The following NCAM2 variants were observed in gnomAD, a reference collection of about 807,000 sequenced individuals.
The protein encoded by NCAM2 is N-CAM-2.
A neutral mutation model predicts 98.1 loss-of-function variants in NCAM2; 30 were observed. The observed-to-expected ratio is 0.31, with a 90% CI of 0.23 to 0.41. NCAM2 has a LOEUF of 0.41. NCAM2 is among the 10% of genes least tolerant of loss of function. NCAM2 has a pLI of 1.00. For missense variants in NCAM2, 867 were observed against 1,005.8 expected, an observed-to-expected ratio of 0.86 and a Z score of 1.87; for synonymous variants, 368 against 342.4, an observed-to-expected ratio of 1.07 and a Z score of -0.83.
intron 8 of NCAM2, among the ~76,000 whole-genome samples, chr21:21,365,835 A>G (rs1433527410): frequency 6.6e-6 from 1 of 152,086 alleles, no homozygotes; most frequent in African/African-American, 2.4e-5. Context: ...TGACTAGCAA[A>G]ATCAAGACAT....
At chr21:21,002,238 G>A (rs997037495) in intron 1 of NCAM2, among the ~76,000 whole-genome samples, 1 of 152,096 alleles carries the variant, frequency 6.6e-6, no homozygotes, top group African/African-American at 2.4e-5. Context: ...ATGCAGAATC[G>A]GAGCCCATAG....
At chr21:21,309,438 T>C (rs1947990714) in intron 5 of NCAM2, among the ~76,000 whole-genome samples, 1 of 152,196 alleles carries the variant, frequency 6.6e-6, no homozygotes, top group Admixed American at 6.5e-5. Flanking sequence ...TAAGAATGTT[T>C]CTGAATTCTT....
At chr21:21,072,515 C>T (rs146805425) in intron 1 of NCAM2, among the ~76,000 whole-genome samples, 2 of 152,070 alleles carry the variant, frequency 1.3e-5, no homozygotes, top group East Asian at 1.9e-4. Context: ...CATTGTATGA[C>T]AATGTAAAAT....
chr21:21,526,953 T>C (rs961250184), intron 16 of NCAM2, among the ~76,000 whole-genome samples: 1 of 152,146 alleles, frequency 6.6e-6, no homozygotes, highest in Admixed American at 6.6e-5. Flanking sequence ...ACAGACATTA[T>C]GCACTTCATA....
intron 1 of NCAM2, among the ~76,000 whole-genome samples, chr21:21,140,549 T>G (rs1392490456): frequency 6.6e-6 from 1 of 152,172 alleles, no homozygotes; most frequent in Non-Finnish European, 1.5e-5. Flanking sequence ...ATCTTAAAAA[T>G]CATCTGAGAT....
chr21:21,054,157 A>G (rs546733924), intron 1 of NCAM2, among the ~76,000 whole-genome samples: 4 of 152,120 alleles, frequency 2.6e-5, no homozygotes, highest in South Asian at 4.1e-4. Context: ...TACCCAGTCA[A>G]CAGTCATTGC....
intron 9 of NCAM2, chr21:21,385,749 C>T: frequency 1.2e-6 from 1 of 852,900 alleles, no homozygotes; most frequent in Non-Finnish European, 1.6e-6. Flanking sequence ...ATGCAGTAAG[C>T]ACTGGTTACA....
At chr21:21,486,794 T>C (rs892084157) in intron 15 of NCAM2, among the ~76,000 whole-genome samples, 2 of 152,162 alleles carry the variant, frequency 1.3e-5, no homozygotes, top group African/African-American at 4.8e-5. Context: ...AAGTGAGGTA[T>C]ACACAGAAAT....
chr21:21,264,814 ACG>A lies in NCAM2; in HGVS notation c.56-15763_56-15762del, dbSNP rs2072075640. On this transcript the variant is annotated intron_variant, in intron 1 of 17. Transcript: ENST00000400546. ...TATATTCCACTATATATATACACACACGTATATATATTCCACTTTATATACAC... is the reference window on the plus strand; with the variant it reads ...TATATTCCACTATATATATACACACATATATATATTCCACTTTATATACAC... Among the ~76,000 whole-genome samples the A allele has an allele frequency of 2.2e-5, 3 of 137,522 alleles. 1 individual carries two copies. Among genetic ancestry groups the A allele is most frequent in the South Asian group, 4.5e-4 (2 of 4,476 alleles). 90.2% of individuals were successfully genotyped at this position (137,522 alleles called of 152,430 possible). A position where few individuals can be genotyped will look rare whatever the true frequency, so the allele number is the denominator to read the frequency against.
At chr21:21,221,297 T>G (rs1354693712) in intron 1 of NCAM2, among the ~76,000 whole-genome samples, 1 of 152,046 alleles carries the variant, frequency 6.6e-6, no homozygotes, top group African/African-American at 2.4e-5. Flanking sequence ...CTCTAAGTGT[T>G]CAAGTGAAGG....
intron 8 of NCAM2, among the ~76,000 whole-genome samples, chr21:21,360,080 A>G (rs370938913): frequency 2.2e-4 from 33 of 152,110 alleles, no homozygotes; most frequent in African/African-American, 7.0e-4. Flanking sequence ...CAGCAAAAGA[A>G]TACATTTGAT....
intron 1 of NCAM2, among the ~76,000 whole-genome samples, chr21:21,028,733 A>AT (rs1426751657): frequency 6.6e-6 from 1 of 152,198 alleles, no homozygotes; most frequent in Non-Finnish European, 1.5e-5. Context: ...CATAGATATG[A>AT]TTTGTCTATT....
intron 4 of NCAM2, among the ~76,000 whole-genome samples, chr21:21,288,249 T>A (rs1221127983): frequency 6.6e-6 from 1 of 151,944 alleles, no homozygotes; most frequent in Non-Finnish European, 1.5e-5. Context: ...GTTGTTTGAA[T>A]CCACGAATGT....
Position 21,027,881 on chromosome 21 carries a change from C to T in NCAM2, c.55+29263C>T, listed in dbSNP as rs370047788. Among the ~76,000 whole-genome samples, 864 of 145,194 alleles carry T rather than the reference C, an allele frequency of 6.0e-3. 3 individuals are homozygous for T. Among genetic ancestry groups the T allele is most frequent in the Non-Finnish European group, 0.01 (697 of 66,660 alleles). The stretch of plus-strand genomic sequence containing the variant: ...AAGTTTTTTTTTTTTTTTGAGACGT[C>T]GTTTCTCTCTTGTTGCCCAGGCTGG... On this transcript the variant is annotated intron_variant, in intron 1 of 17. Coordinates refer to ENST00000400546, the MANE Select transcript of NCAM2 (RefSeq NM_004540.5).
At chr21:21,307,873 G>A (rs914965153) in intron 5 of NCAM2, among the ~76,000 whole-genome samples, 9 of 152,078 alleles carry the variant, frequency 5.9e-5, no homozygotes, top group African/African-American at 2.2e-4. Flanking sequence ...CAGATGAAAA[G>A]GGGATCATGT....
At chr21:21,247,444 C>A (rs2071319878) in intron 1 of NCAM2, among the ~76,000 whole-genome samples, 1 of 152,140 alleles carries the variant, frequency 6.6e-6, no homozygotes, top group South Asian at 2.1e-4. Flanking sequence ...AGTTTAAGAT[C>A]TCTTTTATCT....
At chr21:21,362,749 C>T (rs1308073979) in intron 8 of NCAM2, among the ~76,000 whole-genome samples, 2 of 152,048 alleles carry the variant, frequency 1.3e-5, no homozygotes, top group Admixed American at 1.3e-4. Context: ...TTTGTATTTT[C>T]TGAGAGAGTG....
chr21:21,153,921 G>T (rs1422912449), intron 1 of NCAM2, among the ~76,000 whole-genome samples: 1 of 151,886 alleles, frequency 6.6e-6, no homozygotes, highest in Non-Finnish European at 1.5e-5. Flanking sequence ...GTGGGAGAGA[G>T]AGAAGGGGCA....
intron 1 of NCAM2, among the ~76,000 whole-genome samples, chr21:21,194,759 A>G (rs2068947112): frequency 6.6e-6 from 1 of 152,188 alleles, no homozygotes; most frequent in Non-Finnish European, 1.5e-5. Context: ...AAGGTATACA[A>G]TGGGGGTGAT....
Sources: gnomAD v4.1 joint callset for allele counts (sites outside exome capture counted in the v4.1 genomes callset) on GRCh38, gnomAD v4.1.1 for gene constraint, MANE v1.5 for transcripts, NCBI Gene and HGNC (gene_info 2026-07-23, HGNC 2026-07-21) for gene names.